SLC24A2: variants seen among roughly 807,000 people sequenced by gnomAD.
The protein encoded by SLC24A2 is solute carrier family 24 member 2.
A neutral mutation model predicts 62.0 loss-of-function variants in SLC24A2; 36 were observed. The ratio of observed to expected loss-of-function variants is 0.58; its 90% CI spans 0.44 to 0.77. The LOEUF (loss-of-function observed/expected upper bound fraction) is 0.77, where lower values mean the gene tolerates loss of function less well. SLC24A2 is among the 30% of genes least tolerant of loss of function. The probability of loss-of-function intolerance (pLI) is 0.00; values close to 1 mark genes in which losing one functional copy is unlikely to be tolerated. For missense variants in SLC24A2, 846 were observed against 817.9 expected (o/e 1.03, Z -0.42); for synonymous variants, 358 against 294.0 (o/e 1.22, Z -2.23).
chr9:20,102,653 A>T, the SLC24A2 span, among the ~76,000 whole-genome samples: 1 of 152,218 alleles, frequency 6.6e-6, no homozygotes, highest in African/African-American at 2.4e-5. Flanking sequence ...AATACTTTTT[A>T]AAATGCACTG....
At chr9:19,560,201 C>T (rs983093931) in intron 7 of SLC24A2, among the ~76,000 whole-genome samples, 1 of 152,092 alleles carries the variant, frequency 6.6e-6, no homozygotes, top group African/African-American at 2.4e-5. Context: ...AACCGTTAGA[C>T]CATATGATAG....
intron 2 of SLC24A2, among the ~76,000 whole-genome samples, chr9:19,668,116 C>A (rs898435564): frequency 1.3e-5 from 2 of 152,202 alleles, no homozygotes; most frequent in Non-Finnish European, 2.9e-5. Context: ...AGTGTGGACA[C>A]ACCAGATACC....
chr9:19,987,046 G>A, the SLC24A2 span, among the ~76,000 whole-genome samples: 4 of 152,114 alleles, frequency 2.6e-5, no homozygotes, highest in African/African-American at 9.7e-5. Flanking sequence ...CAGAACAGGA[G>A]AATGGTAATA....
Position 19,548,121 on chromosome 9 carries a change from C to T in SLC24A2, c.1479+2016G>A, listed in dbSNP as rs565821381. 1.6e-4 allele frequency among the ~76,000 whole-genome samples: 24 copies of T among 151,762 alleles called. No homozygotes were observed. In the East Asian group the frequency reaches 4.6e-3, roughly 29 times the overall value. On this transcript the variant is annotated intron_variant, in intron 8 of 10. Coordinates refer to ENST00000341998, the MANE Select transcript of SLC24A2 (RefSeq NM_020344.4). ...GTCTACTTGACAAGACATGGCTCTCCACTAGGCTGCATTATTTAAGGGCCA... is the reference window on the plus strand; with the variant it reads ...GTCTACTTGACAAGACATGGCTCTCTACTAGGCTGCATTATTTAAGGGCCA...
chr9:19,933,651 G>T, the SLC24A2 span, among the ~76,000 whole-genome samples: 1 of 152,290 alleles, frequency 6.6e-6, no homozygotes, highest in Non-Finnish European at 1.5e-5. Context: ...ACACATGTCT[G>T]TTTAAACACT....
the SLC24A2 span, among the ~76,000 whole-genome samples, chr9:20,255,866 G>C: frequency 6.6e-6 from 1 of 152,180 alleles, no homozygotes; most frequent in African/African-American, 2.4e-5. Flanking sequence ...GTTGAGCCCA[G>C]CTCCGATTGT....
intron 2 of SLC24A2, among the ~76,000 whole-genome samples, chr9:19,758,921 C>T (rs753699745): frequency 1.1e-4 from 16 of 152,108 alleles, no homozygotes; most frequent in Non-Finnish European, 2.2e-4. Context: ...CAATAGCTTA[C>T]CCCATACCGC....
chr9:19,542,746 T>C (rs1316250308), intron 8 of SLC24A2, among the ~76,000 whole-genome samples: 1 of 152,200 alleles, frequency 6.6e-6, no homozygotes, highest in Non-Finnish European at 1.5e-5. Context: ...ATTTATTGAT[T>C]TGCATATGTT....
chr9:19,912,240 C>T, the SLC24A2 span, among the ~76,000 whole-genome samples: 1,596 of 152,136 alleles, frequency 0.01, 29 homozygotes, highest in African/African-American at 0.037. Flanking sequence ...AGGGATCATC[C>T]TGGTGAGCTA....
chr9:19,917,304 T>A, the SLC24A2 span, among the ~76,000 whole-genome samples: 1 of 151,168 alleles, frequency 6.6e-6, no homozygotes, highest in East Asian at 1.9e-4. Flanking sequence ...TTTGTTATGG[T>A]CTTAAAGTTT....
At chr9:19,818,774 A>G in the SLC24A2 span, among the ~76,000 whole-genome samples, 1 of 152,158 alleles carries the variant, frequency 6.6e-6, no homozygotes, top group Non-Finnish European at 1.5e-5. Context: ...CATACTGCCA[A>G]AAACAATCTA....
the SLC24A2 span, among the ~76,000 whole-genome samples, chr9:20,133,489 TA>T: frequency 1.3e-5 from 2 of 152,142 alleles, no homozygotes; most frequent in South Asian, 4.1e-4. Flanking sequence ...ACTTTCAAAT[TA>T]AACACAAATA....
the SLC24A2 span, among the ~76,000 whole-genome samples, chr9:20,295,543 G>A: frequency 0.016 from 2,413 of 152,274 alleles, 25 homozygotes; most frequent in Non-Finnish European, 0.026. Flanking sequence ...GAATGAACTA[G>A]GCAGGAAGAT....
intron 4 of SLC24A2, among the ~76,000 whole-genome samples, chr9:19,614,637 C>A (rs1322248974): frequency 1.3e-5 from 2 of 152,066 alleles, no homozygotes; most frequent in African/African-American, 4.8e-5. Context: ...CAACTGACAT[C>A]CTGGGATTTC....
chr9:20,002,443 T>G, the SLC24A2 span, among the ~76,000 whole-genome samples: 4 of 145,584 alleles, frequency 2.7e-5, no homozygotes, highest in African/African-American at 1.0e-4. Context: ...ACCAGGAAAA[T>G]CTACTCAGGG....
the SLC24A2 span, among the ~76,000 whole-genome samples, chr9:20,011,168 C>T: frequency 3.9e-5 from 6 of 152,134 alleles, no homozygotes; most frequent in South Asian, 1.0e-3. Flanking sequence ...AGTTCTAGAT[C>T]CTTGAGAAAT....
chr9:20,095,595 G>A, the SLC24A2 span, among the ~76,000 whole-genome samples: 1 of 151,998 alleles, frequency 6.6e-6, no homozygotes, highest in Non-Finnish European at 1.5e-5. Context: ...TGAAACATTG[G>A]CTCTTCTTGG....
chr9:19,820,042 CATATATATATATACACAT>C, the SLC24A2 span, among the ~76,000 whole-genome samples: 4,207 of 32,646 alleles, frequency 0.13, 146 homozygotes, highest in Non-Finnish European at 0.24. Context: ...TATATATATA[CATATATATATATACACAT>C]ATATATATAT....
the SLC24A2 span, among the ~76,000 whole-genome samples, chr9:19,862,314 G>T: frequency 6.6e-6 from 1 of 151,966 alleles, no homozygotes; most frequent in Non-Finnish European, 1.5e-5. Flanking sequence ...TCAAAGAAAA[G>T]AACTTTTACC....
Sources: allele counts gnomAD v4.1 joint callset (sites outside exome capture counted in the v4.1 genomes callset), GRCh38; gene constraint gnomAD v4.1.1; transcripts MANE v1.5; gene names NCBI Gene and HGNC (gene_info 2026-07-23, HGNC 2026-07-21).